Variants in TNFRSF14 observed in about 807,000 individuals in gnomAD.
TNFRSF14 encodes the protein TNF receptor superfamily member 14.
TNFRSF14 carries 18 observed loss-of-function variants against 34.1 expected under a neutral mutation model. That is an observed-to-expected ratio of 0.53 (90% CI 0.36 to 0.78). The LOEUF is 0.78. Among genes scored for constraint, TNFRSF14 ranks in the 30% least tolerant of loss-of-function variants. The pLI is 0.00. For synonymous variants in TNFRSF14, 157 were observed against 153.2 expected, an observed-to-expected ratio of 1.02 and a Z score of -0.18; for missense variants, 352 against 379.5, an observed-to-expected ratio of 0.93 and a Z score of 0.60.
intron 1 of TNFRSF14, 117 bp downstream of exon 1, chr1:2,556,850 C>A: frequency 9.4e-7 from 1 of 1,060,406 alleles, no homozygotes; most frequent in Non-Finnish European, 1.3e-6. Context: ...GGCGTCCAGC[C>A]CGTCCCCTGC....
At chr1:2,559,488 G>A in intron 3 of TNFRSF14, 1 of 1,453,684 alleles carries the variant, frequency 6.9e-7, no homozygotes, top group Non-Finnish European at 9.1e-7. Context: ...GGCACGTGGG[G>A]CGAGGACCTG....
At chr1:2,560,433 C>T (rs764214668) in intron 4 of TNFRSF14, 191 bp from the exon 5 acceptor site, 7 of 585,970 alleles carry the variant, frequency 1.2e-5, no homozygotes, top group South Asian at 6.3e-5. Context: ...TACTCAAGGC[C>T]GGGACAGCCA....
At position 2,563,604 on chromosome 1, in the gene TNFRSF14, A is replaced by T. The variant is rs1644344248; in HGVS notation, c.*331A>T. 1 of 339,668 alleles carries T rather than the reference A, an allele frequency of 2.9e-6. No homozygotes were observed. The highest frequency in any genetic ancestry group is 5.4e-6 in the Non-Finnish European group (1 of 184,184). The allele number at this position is 339,668 out of a possible 1,614,324, so 21.0% of individuals were successfully genotyped here. A position where few individuals can be genotyped will look rare whatever the true frequency, so the allele number is the denominator to read the frequency against. Reference sequence around the variant, plus strand: ...CAGCCCAGAGGGCCCTTCAGACCCCAGCTGTCTGCGCGTCTGACTCTTGTG... The same window carrying T: ...CAGCCCAGAGGGCCCTTCAGACCCCTGCTGTCTGCGCGTCTGACTCTTGTG... On this transcript the variant is annotated 3_prime_UTR_variant, in exon 8 of 8. Coordinates refer to ENST00000355716, the MANE Select transcript of TNFRSF14 (RefSeq NM_003820.4).
At chr1:2,559,400 C>T (rs771759682) in intron 3 of TNFRSF14, 2 of 1,383,406 alleles carry the variant, frequency 1.4e-6, no homozygotes, top group African/African-American at 1.4e-5. Context: ...GTGGGGCTCT[C>T]ACCCTACCTG....
Position 2,559,955 on chromosome 1 carries a change from C to A in TNFRSF14, c.437C>A (p.Pro146Gln), listed in dbSNP as rs565512671. 1 of 1,585,310 alleles carries A rather than the reference C, an allele frequency of 6.3e-7. No homozygotes were observed. ...AACRAYATSSPGQRVQKGGTE... is the reference protein window; with the variant it reads ...AACRAYATSSQGQRVQKGGTE... ...TGCCGCGCTTACGCCACCTCCAGCC[C>A]GGGCCAGAGGGTGCAGAAGGGAGGT... The change falls in exon 4 of 8, where the codon CCG becomes CAG. Residue 146 changes from proline (P) to glutamine (Q), a missense_variant. By Grantham distance (76) the Pro-to-Gln change is moderately conservative. Transcript: ENST00000355716.
rs1644259284 is a variant in TNFRSF14 at position 2,558,795 on chromosome 1, A to AGTGGAAT, written c.304+329_304+335dup. On this transcript the variant is annotated intron_variant, in intron 3 of 7. Coordinates refer to ENST00000355716, the MANE Select transcript of TNFRSF14 (RefSeq NM_003820.4). ...CCTGTGCCCACGTCCCTAGCTGCAA[A>AGTGGAAT]GTGGAATGGGATGGTGCTGGGACTC... 9 of 1,315,922 alleles carry AGTGGAAT rather than the reference A, an allele frequency of 6.8e-6. No individual in the cohort carries two copies. The East Asian group carries it at 2.9e-4, about 42-fold the overall frequency. The allele number at this position is 1,315,922 out of a possible 1,614,324, so 81.5% of individuals were successfully genotyped here.
At chr1:2,556,362 G>C, upstream of TNFRSF14, 1 of 647,274 alleles carries the variant, frequency 1.5e-6, no homozygotes, top group Non-Finnish European at 2.9e-6. Flanking sequence ...CCCATCGGGC[G>C]CCTCCTTCAT....
Position 2,561,472 on chromosome 1 carries a change from C to T in TNFRSF14, c.552-201C>T. 1 of 1,501,134 alleles carries T rather than the reference C, an allele frequency of 6.7e-7. No homozygotes were observed. Among genetic ancestry groups the T allele is most frequent in the South Asian group, 1.3e-5 (1 of 78,484 alleles). 93.0% of individuals were successfully genotyped at this position (1,501,134 alleles called of 1,614,324 possible). On this transcript the variant is annotated intron_variant, in intron 5 of 7. Transcript: ENST00000355716. This position sits in a 1 kb window ranked among gnomAD's most constrained non-coding sequence, Gnocchi z 6.0. ...TCTCCTTGTTTCTCTTCTCCTCCTT[C>T]CTTCTCTCCACCTCCCCATAGCCGA...
intron 1 of TNFRSF14, 133 bp downstream of exon 1, chr1:2,556,866 G>A: frequency 1.1e-6 from 1 of 899,102 alleles, no homozygotes; most frequent in Non-Finnish European, 1.7e-6. Context: ...CCTGCTGCCT[G>A]GGGCTCTCGG....
At position 2,563,451 on chromosome 1, in the gene TNFRSF14, A is replaced by G; in HGVS notation, c.*178A>G. The G allele has an allele frequency of 1.0e-6, 1 of 998,140 alleles. No individual in the cohort carries two copies. Among genetic ancestry groups the G allele is most frequent in the Admixed American group, 2.9e-5 (1 of 34,744 alleles). 61.8% of individuals were successfully genotyped at this position (998,140 alleles called of 1,614,324 possible). A position where few individuals can be genotyped will look rare whatever the true frequency, so the allele number is the denominator to read the frequency against. The stretch of plus-strand genomic sequence containing the variant: ...CTGCTGGGGTAGAGCTGGGGACGCC[A>G]CGTGCCATTCCCATGGGCCAGTGAG... On this transcript the variant is annotated 3_prime_UTR_variant, in exon 8 of 8. Coordinates refer to ENST00000355716, the MANE Select transcript of TNFRSF14 (RefSeq NM_003820.4).
At chr1:2,562,781 C>A in intron 6 of TNFRSF14, 84 bp from the exon 7 acceptor site, 1 of 1,561,238 alleles carries the variant, frequency 6.4e-7, no homozygotes, top group Non-Finnish European at 8.8e-7. Flanking sequence ...TGTGCCTCCG[C>A]CACCGCTGTG....
chr1:2,557,907 A>C, intron 2 of TNFRSF14, 73 bp downstream of exon 2: 1 of 1,257,726 alleles, frequency 8.0e-7, no homozygotes. Context: ...TGCCCCAGAC[A>C]CCCCTGTGTT....
intron 5 of TNFRSF14, 124 bp downstream of exon 5, chr1:2,560,838 G>C (rs987138782): frequency 1.2e-6 from 1 of 818,828 alleles, no homozygotes; most frequent in Non-Finnish European, 2.0e-6. Flanking sequence ...CGGCACCCTG[G>C]TCACATGCCT....
intron 2 of TNFRSF14, 79 bp from the exon 3 acceptor site, chr1:2,558,264 T>A (rs2100845162): frequency 6.6e-7 from 1 of 1,522,004 alleles, no homozygotes; most frequent in Middle Eastern, 1.8e-4. Flanking sequence ...GCTTGGGCTC[T>A]GGGCGCGGGT....
In TNFRSF14 at chr1:2,559,866, C is replaced by T. The variant is rs2234162; in HGVS notation, c.348C>T (p.Asn116=). The change falls in exon 4 of 8, where the codon AAC becomes AAT. Residue 116 remains asparagine, a synonymous_variant. Coordinates refer to ENST00000355716, the MANE Select transcript of TNFRSF14 (RefSeq NM_003820.4). ...RASRNCSRTE[N]AVCGCSPGHF... ...GCCGGAACTGCTCCAGGACAGAGAA[C>T]GCCGTGTGTGGCTGCAGCCCAGGCC... is the stretch of plus-strand genomic sequence containing the variant. The T allele has an allele frequency of 0.013, 20,178 of 1,606,804 alleles. 170 individuals carry two copies. Among genetic ancestry groups the T allele is most frequent in the Admixed American group, 0.023 (1,380 of 59,250 alleles).
At chr1:2,559,212 G>A (rs1338700882) in intron 3 of TNFRSF14, 1 of 1,369,964 alleles carries the variant, frequency 7.3e-7, no homozygotes, top group Non-Finnish European at 9.6e-7. Flanking sequence ...GTTCATGCAT[G>A]TAGGCTGGGA....
intron 7 of TNFRSF14, 26 bp downstream of exon 7, chr1:2,562,922 T>TC (rs757790569): frequency 1.5e-6 from 2 of 1,363,482 alleles, no homozygotes; most frequent in Non-Finnish European, 1.0e-6. Flanking sequence ...CCCCTCTCCC[T>TC]CCCCCCTCCA....
In TNFRSF14 at chr1:2,556,499, A is replaced by G; in HGVS notation, c.-166A>G. 1.3e-6 allele frequency: 1 copy of G among 752,128 alleles called. No individual in the cohort carries two copies. Among genetic ancestry groups the G allele is most frequent in the Non-Finnish European group, 2.3e-6 (1 of 428,202 alleles). The allele number at this position is 752,128 out of a possible 1,614,324, so 46.6% of individuals were successfully genotyped here. ...TGCTGCCAGACACCCCCTGCTGCCC[A>G]CTCTCCTGCTGCTCGGGTTCTGAGG... is the stretch of plus-strand genomic sequence containing the variant. On this transcript the variant is annotated 5_prime_UTR_variant, in exon 1 of 8. Coordinates refer to ENST00000355716, the MANE Select transcript of TNFRSF14 (RefSeq NM_003820.4).
chr1:2,563,364 G>A lies in TNFRSF14; in HGVS notation c.*91G>A. 1 of 1,561,896 alleles carries A rather than the reference G, an allele frequency of 6.4e-7. No homozygotes were observed. Among genetic ancestry groups the A allele is most frequent in the Non-Finnish European group, 8.7e-7 (1 of 1,152,504 alleles). On this transcript the variant is annotated 3_prime_UTR_variant, in exon 8 of 8. Transcript: ENST00000355716. ...CCTGGCGGAACCACCGGAGCCCGGA[G>A]GCTTGGGGGCTCCGCCCTGGGCTGG...
Sources: allele counts gnomAD v4.1 joint callset, GRCh38; gene constraint gnomAD v4.1.1; non-coding constraint Gnocchi (gnomAD v3.1); transcripts MANE v1.5; gene names NCBI Gene and HGNC (gene_info 2026-07-23, HGNC 2026-07-21).